Variants in RILPL1 observed in about 807,000 individuals in gnomAD.
RILPL1 encodes the protein Rab interacting lysosomal protein like 1.
A neutral mutation model predicts 50.3 loss-of-function variants in RILPL1; 33 were observed. The ratio of observed to expected loss-of-function variants is 0.66; its 90% CI spans 0.50 to 0.88. The LOEUF (loss-of-function observed/expected upper bound fraction) is 0.88, where lower values mean the gene tolerates loss of function less well. RILPL1 is among the 40% of genes least tolerant of loss of function. RILPL1 has a pLI of 0.00. For missense variants in RILPL1, 418 were observed against 542.5 expected (o/e 0.77, Z 2.28); for synonymous variants, 205 against 228.6 (o/e 0.90, Z 0.93).
chr12:123,525,851 G>A (rs1353337770), intron 1 of RILPL1, among the ~76,000 whole-genome samples: 1 of 151,934 alleles, frequency 6.6e-6, no homozygotes, highest in Non-Finnish European at 1.5e-5. Flanking sequence ...AGCCAGAAGT[G>A]TACACTTTAA....
chr12:123,499,206 C>T (rs13303358), intron 3 of RILPL1, among the ~76,000 whole-genome samples: 23,526 of 152,156 alleles, frequency 0.15, 1,992 homozygotes, highest in Admixed American at 0.21. Flanking sequence ...GAGGAGCCTG[C>T]TCACCGGGCA....
At chr12:123,482,454 T>C (rs1055559440) in intron 6 of RILPL1, among the ~76,000 whole-genome samples, 2 of 152,090 alleles carry the variant, frequency 1.3e-5, no homozygotes, top group Non-Finnish European at 2.9e-5. Context: ...TTAAATTTTT[T>C]TGTAGAGACA....
chr12:123,501,904 C>T (rs1259307612), intron 2 of RILPL1, among the ~76,000 whole-genome samples: 5 of 151,438 alleles, frequency 3.3e-5, no homozygotes, highest in Non-Finnish European at 4.4e-5. Context: ...GGAGAAACCC[C>T]GTCTCTACTA....
At chr12:123,529,797 C>A (rs1320448241) in intron 1 of RILPL1, among the ~76,000 whole-genome samples, 2 of 149,906 alleles carry the variant, frequency 1.3e-5, no homozygotes, top group Non-Finnish European at 3.0e-5. Flanking sequence ...TCACTTGAAT[C>A]CAGGTGTTCA....
chr12:123,519,832 C>G (rs144205121), intron 2 of RILPL1: 1 of 152,230 alleles, frequency 6.6e-6, no homozygotes, highest in Non-Finnish European at 1.5e-5. Context: ...GCCGGACCCA[C>G]GCTAGATGCC....
chr12:123,504,209 A>G (rs1883590229), intron 2 of RILPL1, among the ~76,000 whole-genome samples: 3 of 152,098 alleles, frequency 2.0e-5, no homozygotes, highest in African/African-American at 4.8e-5. Context: ...TCCGAGGTGA[A>G]CAAGGGGGAA....
chr12:123,491,458 C>G lies in RILPL1; in HGVS notation c.802-5653G>C, dbSNP rs528602242. On this transcript the variant is annotated intron_variant, in intron 4 of 6. Coordinates refer to ENST00000376874, the MANE Select transcript of RILPL1 (RefSeq NM_178314.5). The surrounding 1 kb of genome is among the most constrained non-coding windows in gnomAD (Gnocchi z 4.0). ...GCATCCTGGGTCAGGGCCTCCATCC[C>G]GAGGCCTTAGGAATGCTCCTCACTG... 6.6e-6 allele frequency among the ~76,000 whole-genome samples: 1 copy of G among 152,190 alleles called. No homozygotes were observed. Among genetic ancestry groups the G allele is most frequent in the African/African-American group, 2.4e-5 (1 of 41,460 alleles).
At chr12:123,503,431 C>G (rs1483478964) in intron 2 of RILPL1, among the ~76,000 whole-genome samples, 1 of 151,426 alleles carries the variant, frequency 6.6e-6, no homozygotes, top group Non-Finnish European at 1.5e-5. Flanking sequence ...AAACTCCTGA[C>G]CTCAAGCGAT....
At chr12:123,500,088 G>A (rs1466591210) in intron 2 of RILPL1, among the ~76,000 whole-genome samples, 7 of 151,684 alleles carry the variant, frequency 4.6e-5, no homozygotes, top group African/African-American at 1.7e-4. Flanking sequence ...CCACCACCAC[G>A]CCCGGCTAAA....
chr12:123,481,366 A>G (rs900059501), intron 6 of RILPL1, among the ~76,000 whole-genome samples: 7 of 151,622 alleles, frequency 4.6e-5, no homozygotes, highest in African/African-American at 1.5e-4. Context: ...CTCAAAAAAA[A>G]AAAAAAAGAA....
At chr12:123,509,372 T>C (rs543838853) in intron 2 of RILPL1, among the ~76,000 whole-genome samples, 2 of 152,176 alleles carry the variant, frequency 1.3e-5, no homozygotes, top group South Asian at 2.1e-4. Flanking sequence ...GAGACCAGCC[T>C]GACCAACACG....
At chr12:123,502,320 C>T (rs185284901) in intron 2 of RILPL1, among the ~76,000 whole-genome samples, 22 of 152,348 alleles carry the variant, frequency 1.4e-4, no homozygotes, top group African/African-American at 4.8e-4. Context: ...GGGCAGACGT[C>T]GTAGCAGAAG....
intron 2 of RILPL1, chr12:123,513,430 C>T: frequency 6.7e-6 from 2 of 298,082 alleles, no homozygotes; most frequent in South Asian, 2.4e-5. Context: ...GAGAGAGGGG[C>T]GGCTGGGTCT....
chr12:123,523,678 G>A, intron 1 of RILPL1, 33 bp from the exon 2 acceptor site: 1 of 1,604,278 alleles, frequency 6.2e-7, no homozygotes, highest in Non-Finnish European at 8.5e-7. Context: ...TGGGGTCACT[G>A]CCTGCCCAGA....
intron 4 of RILPL1, among the ~76,000 whole-genome samples, chr12:123,496,942 C>A (rs1883067893): frequency 6.6e-6 from 1 of 152,252 alleles, no homozygotes; most frequent in South Asian, 2.1e-4. Context: ...TCGGCAGTCA[C>A]TCCCCATTCC....
chr12:123,493,217 T>C (rs1882815821), intron 4 of RILPL1, among the ~76,000 whole-genome samples: 1 of 152,220 alleles, frequency 6.6e-6, no homozygotes, highest in South Asian at 2.1e-4. Flanking sequence ...CGGGCAGCAA[T>C]ACTGCTTTGT....
intron 4 of RILPL1, among the ~76,000 whole-genome samples, chr12:123,493,932 C>T (rs1021296360): frequency 1.3e-5 from 2 of 152,002 alleles, no homozygotes; most frequent in Non-Finnish European, 2.9e-5. Context: ...TTACAGGCAC[C>T]CACCACCACG....
chr12:123,533,212 TCTCCAGGCGCAGGCGGTCCAG>T lies in RILPL1; in HGVS notation c.250_270del (p.Leu84_Glu90del). On this transcript the variant is annotated inframe_deletion, in exon 1 of 7. Coordinates refer to ENST00000376874, the MANE Select transcript of RILPL1 (RefSeq NM_178314.5). The surrounding 1 kb of genome is among the most constrained non-coding windows in gnomAD (Gnocchi z 6.2). The stretch of plus-strand genomic sequence containing the variant: ...CGCTCCTTCTCGATGCGGTCCATCC[TCTCCAGGCGCAGGCGGTCCAG>T]CTCCAGGCGCAGCTCGTCCAGCTCG... 1.9e-6 allele frequency: 3 copies of T among 1,587,938 alleles called. No homozygotes were observed. The highest frequency in any genetic ancestry group is 2.6e-6 in the Non-Finnish European group (3 of 1,173,402).
At chr12:123,506,677 T>G (rs1216745522) in intron 2 of RILPL1, among the ~76,000 whole-genome samples, 1 of 152,228 alleles carries the variant, frequency 6.6e-6, no homozygotes, top group Non-Finnish European at 1.5e-5. Flanking sequence ...ACTTCTGAAG[T>G]GACGCTCACC....
Sources: gnomAD v4.1 joint callset for allele counts (sites outside exome capture counted in the v4.1 genomes callset) on GRCh38, gnomAD v4.1.1 for gene constraint, Gnocchi (gnomAD v3.1) non-coding constraint, MANE v1.5 for transcripts, NCBI Gene and HGNC (gene_info 2026-07-23, HGNC 2026-07-21) for gene names.